ZNF529: variants seen among roughly 807,000 people sequenced by gnomAD.
The protein encoded by ZNF529 is zinc finger protein 529.
In ZNF529, 11 loss-of-function variants were observed where a neutral mutation model predicts 10.1. That is an observed-to-expected ratio of 1.09 (90% CI 0.69 to 1.81). The LOEUF (loss-of-function observed/expected upper bound fraction) is 1.81, where lower values mean the gene tolerates loss of function less well. Among genes scored for constraint, ZNF529 ranks in the 40% most tolerant of loss-of-function variants. The probability of loss-of-function intolerance (pLI) is 0.00; values close to 1 mark genes in which losing one functional copy is unlikely to be tolerated. For synonymous variants in ZNF529, 204 were observed against 215.7 expected, an observed-to-expected ratio of 0.95 and a Z score of 0.47; for missense variants, 624 against 666.8, an observed-to-expected ratio of 0.94 and a Z score of 0.71.
chr19:36,592,616 GA>G (rs1459898598), intron 1 of ZNF529, among the ~76,000 whole-genome samples: 1 of 145,834 alleles, frequency 6.9e-6, no homozygotes, highest in Non-Finnish European at 1.5e-5. Flanking sequence ...AAGAAAGAAA[GA>G]AAAAAGAAAA....
chr19:36,571,602 G>C (rs776694899), intron 2 of ZNF529, among the ~76,000 whole-genome samples: 5 of 151,318 alleles, frequency 3.3e-5, no homozygotes, highest in Non-Finnish European at 5.9e-5. Context: ...TTGAACCTGG[G>C]AGGCAGAGGT....
intron 2 of ZNF529, among the ~76,000 whole-genome samples, chr19:36,565,428 C>G (rs3108580): frequency 1.3e-5 from 2 of 152,014 alleles, no homozygotes; most frequent in South Asian, 4.2e-4. Flanking sequence ...ACAGGCCGGG[C>G]GCGGTGGCTC....
At position 36,547,303 on chromosome 19, in the gene ZNF529, C is replaced by T; in HGVS notation, c.1255G>A (p.Glu419Lys). The change falls in exon 5 of 5, where the codon GAA becomes AAA. Residue 419 changes from glutamate to lysine, a missense_variant. Coordinates refer to ENST00000591340, the MANE Select transcript of ZNF529 (RefSeq NM_020951.5). ...LTRHQRIHTG[E>K]KPYKCKECEK... ...CATTCTTTACATTTATAGGGTTTTT[C>T]ACCAGTATGAATCCTCTGATGTCTA... The T allele has an allele frequency of 1.2e-6, 2 of 1,613,814 alleles. No individual in the cohort carries two copies. Among genetic ancestry groups the T allele is most frequent in the South Asian group, 1.1e-5 (1 of 91,078 alleles).
At chr19:36,563,160 G>A (rs1468096850) in intron 2 of ZNF529, among the ~76,000 whole-genome samples, 1 of 152,074 alleles carries the variant, frequency 6.6e-6, no homozygotes, top group East Asian at 1.9e-4. Flanking sequence ...GGTGGCTCAC[G>A]CCTGTAATCC....
At chr19:36,591,401 AACAC>A (rs1313559282) in intron 1 of ZNF529, among the ~76,000 whole-genome samples, 1 of 152,098 alleles carries the variant, frequency 6.6e-6, no homozygotes, top group Non-Finnish European at 1.5e-5. Flanking sequence ...AACTTACTGA[AACAC>A]ACAAGATGAA....
chr19:36,602,979 A>T (rs192711359), intron 1 of ZNF529, among the ~76,000 whole-genome samples: 167 of 151,826 alleles, frequency 1.1e-3, no homozygotes, highest in African/African-American at 3.7e-3. Context: ...CTCATGCAAG[A>T]ACTAGCTGGT....
intron 4 of ZNF529, chr19:36,551,934 T>C (rs370158778): frequency 1.8e-4 from 27 of 152,340 alleles, no homozygotes; most frequent in African/African-American, 6.0e-4. Context: ...AGGGTCTGTA[T>C]TGGTCTTGGT....
intron 3 of ZNF529, among the ~76,000 whole-genome samples, chr19:36,555,045 T>C (rs184478355): frequency 8.5e-5 from 13 of 152,280 alleles, no homozygotes; most frequent in Middle Eastern, 3.4e-3. Context: ...GTCTGGAAAT[T>C]AATAACCAGT....
chr19:36,578,331 A>G (rs1600334342), intron 2 of ZNF529, among the ~76,000 whole-genome samples: 1 of 77,510 alleles, frequency 1.3e-5, no homozygotes, highest in African/African-American at 4.7e-5. Context: ...TTTGAGACGG[A>G]GTCTCACTCT....
intron 2 of ZNF529, among the ~76,000 whole-genome samples, chr19:36,558,830 T>G (rs1286213936): frequency 6.6e-6 from 1 of 151,354 alleles, no homozygotes; most frequent in East Asian, 1.9e-4. Context: ...GGAAACAATT[T>G]AAAAAGTGAA....
intron 2 of ZNF529, chr19:36,581,604 G>C (rs1392352239): frequency 6.6e-6 from 1 of 152,150 alleles, no homozygotes; most frequent in African/African-American, 2.4e-5. Context: ...TTGGATTATG[G>C]GGTGGATCTC....
At chr19:36,582,501 C>G (rs760368914) in intron 2 of ZNF529, 1 of 151,844 alleles carries the variant, frequency 6.6e-6, no homozygotes, top group African/African-American at 2.4e-5. Context: ...GTCAGGAGAT[C>G]GAGACCATCC....
chr19:36,576,846 A>T (rs561285211), upstream of ZNF529, among the ~76,000 whole-genome samples: 1 of 152,046 alleles, frequency 6.6e-6, no homozygotes, highest in Non-Finnish European at 1.5e-5. Flanking sequence ...TTTTATACAG[A>T]TAGTGATTTG....
At chr19:36,554,101 A>G (rs1269175869) in intron 4 of ZNF529, among the ~76,000 whole-genome samples, 4 of 152,228 alleles carry the variant, frequency 2.6e-5, no homozygotes, top group African/African-American at 9.6e-5. Context: ...TAATGTCTCA[A>G]TGATATGCTA....
At chr19:36,580,137 T>C (rs1410264578) in intron 2 of ZNF529, 1 of 152,214 alleles carries the variant, frequency 6.6e-6, no homozygotes, top group Non-Finnish European at 1.5e-5. Context: ...TTTACCGCCA[T>C]ATCTTGTCCA....
intron 1 of ZNF529, among the ~76,000 whole-genome samples, chr19:36,596,936 C>G (rs972989365): frequency 1.2e-4 from 19 of 152,192 alleles, no homozygotes; most frequent in African/African-American, 4.6e-4. Context: ...TGCAGTGGCT[C>G]AATCACAGCT....
In ZNF529 at chr19:36,547,781, G is replaced by A; in HGVS notation, c.777C>T (p.Tyr259=). ...HNEKFYKCKE[Y]RRTFERVGKV... The stretch of plus-strand genomic sequence containing the variant: ...TTCCAACTCTTTCAAAGGTCCTTCT[G>A]TATTCCTTACATTTATAGAACTTCT... Residue 259 remains tyrosine, a synonymous_variant, in exon 5 of 5, where the codon TAC becomes TAT. Coordinates refer to ENST00000591340, the MANE Select transcript of ZNF529 (RefSeq NM_020951.5). 6.2e-7 allele frequency: 1 copy of A among 1,612,146 alleles called. No individual in the cohort carries two copies. The highest frequency in any genetic ancestry group is 8.5e-7 in the Non-Finnish European group (1 of 1,179,216).
At chr19:36,575,904 A>G (rs1276825783), upstream of ZNF529, among the ~76,000 whole-genome samples, 3 of 151,834 alleles carry the variant, frequency 2.0e-5, no homozygotes, top group African/African-American at 7.3e-5. Context: ...GTGGGAGTGC[A>G]ATGGCGTCGT....
intron 4 of ZNF529, among the ~76,000 whole-genome samples, chr19:36,551,294 G>A (rs1223944688): frequency 6.6e-6 from 1 of 152,004 alleles, no homozygotes; most frequent in East Asian, 1.9e-4. Context: ...GGATAGGGAG[G>A]GTATGGAATG....
Sources: gnomAD v4.1 joint callset for allele counts (sites outside exome capture counted in the v4.1 genomes callset) on GRCh38, gnomAD v4.1.1 for gene constraint, MANE v1.5 for transcripts, NCBI Gene and HGNC (gene_info 2026-07-23, HGNC 2026-07-21) for gene names.